Variants in RAB39A observed in about 807,000 individuals in gnomAD.
The protein encoded by RAB39A is RAB39A, member RAS oncogene family, also known as ras-related protein Rab-39A.
Under a neutral mutation model 20.9 loss-of-function variants are expected in RAB39A, and 17 were observed. The ratio of observed to expected loss-of-function variants is 0.81; its 90% CI spans 0.56 to 1.22. The LOEUF is 1.22. Ranked by LOEUF, RAB39A falls within the 50% of genes most tolerant of loss-of-function variation. The probability of loss-of-function intolerance (pLI) is 0.00; values close to 1 mark genes in which losing one functional copy is unlikely to be tolerated. For synonymous variants in RAB39A, 99 were observed against 103.4 expected, an observed-to-expected ratio of 0.96 and a Z score of 0.26; for missense variants, 234 against 270.5, an observed-to-expected ratio of 0.87 and a Z score of 0.95.
chr11:107,940,296 A>G (rs1385787827), intron 1 of RAB39A, among the ~76,000 whole-genome samples: 1 of 151,816 alleles, frequency 6.6e-6, no homozygotes, highest in Non-Finnish European at 1.5e-5. Flanking sequence ...GATGAGTCAC[A>G]TTCTGTCACC....
chr11:107,944,999 A>G (rs1001993483), intron 1 of RAB39A, among the ~76,000 whole-genome samples: 1 of 151,408 alleles, frequency 6.6e-6, no homozygotes, highest in African/African-American at 2.4e-5. Context: ...TCTGGCCAAG[A>G]TGGTGAAACG....
chr11:107,946,375 C>CAT (rs374747986), intron 1 of RAB39A, among the ~76,000 whole-genome samples: 1 of 126,302 alleles, frequency 7.9e-6, no homozygotes, highest in East Asian at 2.3e-4. Context: ...TATATACACA[C>CAT]ATATATATGT....
At chr11:107,943,033 A>G (rs1479116381) in intron 1 of RAB39A, among the ~76,000 whole-genome samples, 12 of 152,224 alleles carry the variant, frequency 7.9e-5, no homozygotes, top group Admixed American at 7.8e-4. Flanking sequence ...TCAGTAACAA[A>G]TAACCCTCCC....
At chr11:107,933,433 G>A (rs1272163948) in intron 1 of RAB39A, among the ~76,000 whole-genome samples, 1 of 133,156 alleles carries the variant, frequency 7.5e-6, no homozygotes, top group Non-Finnish European at 1.6e-5. Context: ...TGGGGCTGGA[G>A]TGCAGTGAAA....
At chr11:107,942,990 A>T (rs1861274514) in intron 1 of RAB39A, among the ~76,000 whole-genome samples, 2 of 152,224 alleles carry the variant, frequency 1.3e-5, no homozygotes. Flanking sequence ...CAATAGTAGC[A>T]ATACAGATAA....
At chr11:107,946,325 TAC>T (rs57242917) in intron 1 of RAB39A, among the ~76,000 whole-genome samples, 25,998 of 86,708 alleles carry the variant, frequency 0.3, 3,309 homozygotes, top group Middle Eastern at 0.4. Flanking sequence ...TATATATATA[TAC>T]ACACACACAC....
chr11:107,961,924 CTTT>C lies in RAB39A; in HGVS notation c.228-18_228-16del, dbSNP rs758889349. 1 of 1,576,844 alleles carries C rather than the reference CTTT, an allele frequency of 6.3e-7. No individual in the cohort carries two copies. The highest frequency in any genetic ancestry group is 1.8e-5 in the Admixed American group (1 of 57,126). On this transcript the variant is annotated intron_variant, in intron 1 of 1. Transcript: ENST00000320578. ...AAAGAACAAGTTGTCCTTATACAAC[CTTT>C]TTTCTCTTCATTTTTCAGATCAATA...
intron 1 of RAB39A, among the ~76,000 whole-genome samples, chr11:107,933,903 G>A (rs901914246): frequency 4.6e-5 from 7 of 151,804 alleles, no homozygotes; most frequent in Non-Finnish European, 7.4e-5. Context: ...TGATCCACCC[G>A]CCTCAGCCTC....
At chr11:107,937,744 C>T (rs1174135590) in intron 1 of RAB39A, among the ~76,000 whole-genome samples, 1 of 152,078 alleles carries the variant, frequency 6.6e-6, no homozygotes, top group East Asian at 1.9e-4. Flanking sequence ...TGGACTTCCC[C>T]TCTAGTCTAT....
intron 1 of RAB39A, among the ~76,000 whole-genome samples, chr11:107,946,394 ATATGTGTGTG>A (rs1449659840): frequency 6.8e-4 from 26 of 38,434 alleles, no homozygotes; most frequent in African/African-American, 1.6e-3. Context: ...GTGGGTGTAT[ATATGTGTGTG>A]TGTGTGTGTG....
chr11:107,928,847 A>ACGCCCCTTCCCCAGGCGTC lies in RAB39A; in HGVS notation c.227+59_227+77dup. The ACGCCCCTTCCCCAGGCGTC allele has an allele frequency of 2.1e-6, 3 of 1,411,558 alleles. No individual in the cohort carries two copies. Among genetic ancestry groups the ACGCCCCTTCCCCAGGCGTC allele is most frequent in the Non-Finnish European group, 2.8e-6 (3 of 1,054,438 alleles). The allele number at this position is 1,411,558 out of a possible 1,614,324, so 87.4% of individuals were successfully genotyped here. A position where few individuals can be genotyped will look rare whatever the true frequency, so the allele number is the denominator to read the frequency against. On this transcript the variant is annotated intron_variant, in intron 1 of 1. Coordinates refer to ENST00000320578, the MANE Select transcript of RAB39A (RefSeq NM_017516.3). This position sits in a 1 kb window ranked among gnomAD's most constrained non-coding sequence, Gnocchi z 4.9. Reference sequence around the variant, plus strand: ...CGCGCCGCCCCCTCAGCCCGCCCGGACGCCCCTTCCCCAGGCGTCCGCCCC... The same window carrying ACGCCCCTTCCCCAGGCGTC: ...CGCGCCGCCCCCTCAGCCCGCCCGGACGCCCCTTCCCCAGGCGTCCGCCCCTTCCCCAGGCGTCCGCCCC...
At position 107,928,832 on chromosome 11, in the gene RAB39A, C is replaced by A. The variant is rs1237730547; in HGVS notation, c.227+37C>A. The A allele has an allele frequency of 6.9e-7, 1 of 1,457,544 alleles. No homozygotes were observed. The highest frequency in any genetic ancestry group is 1.4e-5 in the African/African-American group (1 of 70,848). 90.3% of individuals were successfully genotyped at this position (1,457,544 alleles called of 1,614,324 possible). ...GGGGACCTTGGGCACCGCGCCGCCC[C>A]CTCAGCCCGCCCGGACGCCCCTTCC... On this transcript the variant is annotated intron_variant, in intron 1 of 1. Transcript: ENST00000320578. The surrounding 1 kb of genome is among the most constrained non-coding windows in gnomAD (Gnocchi z 4.9).
At chr11:107,951,283 A>G (rs528911094) in intron 1 of RAB39A, among the ~76,000 whole-genome samples, 1 of 152,356 alleles carries the variant, frequency 6.6e-6, no homozygotes, top group East Asian at 1.9e-4. Flanking sequence ...AAGTGAAGCA[A>G]ATAAAATAAA....
chr11:107,961,131 G>A (rs779956175), intron 1 of RAB39A, among the ~76,000 whole-genome samples: 9 of 152,142 alleles, frequency 5.9e-5, no homozygotes, highest in Admixed American at 3.9e-4. Flanking sequence ...TGCTGTCTTC[G>A]TGAGTTTGGG....
intron 1 of RAB39A, among the ~76,000 whole-genome samples, chr11:107,950,702 G>C (rs1861368875): frequency 6.7e-6 from 1 of 149,904 alleles, no homozygotes; most frequent in Non-Finnish European, 1.5e-5. Flanking sequence ...GGAGGTAAAG[G>C]TTGCAGTGAG....
chr11:107,962,403 A>C lies in RAB39A; in HGVS notation c.*31A>C. Reference sequence around the variant, plus strand: ...AACATGCTGAAGAACTAACAGGAACAGATTGGGTGTCAGTTCAGGATAAAT... The same window carrying C: ...AACATGCTGAAGAACTAACAGGAACCGATTGGGTGTCAGTTCAGGATAAAT... On this transcript the variant is annotated 3_prime_UTR_variant, in exon 2 of 2. Coordinates refer to ENST00000320578, the MANE Select transcript of RAB39A (RefSeq NM_017516.3). 1 of 1,550,518 alleles carries C rather than the reference A, an allele frequency of 6.4e-7. No homozygotes were observed. Among genetic ancestry groups the C allele is most frequent in the Non-Finnish European group, 8.7e-7 (1 of 1,143,638 alleles).
At chr11:107,949,786 A>G (rs1861356284) in intron 1 of RAB39A, among the ~76,000 whole-genome samples, 1 of 152,188 alleles carries the variant, frequency 6.6e-6, no homozygotes, top group Admixed American at 6.5e-5. Context: ...AATTATTTCC[A>G]TTTTCACACA....
At chr11:107,944,757 G>A (rs1203542748) in intron 1 of RAB39A, among the ~76,000 whole-genome samples, 1 of 152,200 alleles carries the variant, frequency 6.6e-6, no homozygotes, top group Admixed American at 6.5e-5. Context: ...CAGAACAGGA[G>A]GAGGAATTGT....
intron 1 of RAB39A, among the ~76,000 whole-genome samples, chr11:107,949,026 A>G (rs1861346657): frequency 6.6e-6 from 1 of 152,168 alleles, no homozygotes; most frequent in African/African-American, 2.4e-5. Flanking sequence ...TAGGAAGAAC[A>G]TTAAAGAATT....
Sources: allele counts gnomAD v4.1 joint callset (sites outside exome capture counted in the v4.1 genomes callset), GRCh38; gene constraint gnomAD v4.1.1; non-coding constraint Gnocchi (gnomAD v3.1); transcripts MANE v1.5; gene names NCBI Gene and HGNC (gene_info 2026-07-23, HGNC 2026-07-21).